Variants in CDNF observed in about 807,000 individuals in gnomAD.
CDNF encodes the protein ARMET-like protein 1.
Under a neutral mutation model 14.8 loss-of-function variants are expected in CDNF, and 9 were observed. The observed-to-expected ratio is 0.61, with a 90% CI of 0.37 to 1.06. CDNF has a LOEUF of 1.06. CDNF is among the 50% of genes least tolerant of loss of function. The pLI, the probability that CDNF is intolerant of heterozygous loss-of-function variation, is 0.01. For missense variants in CDNF, 228 were observed against 228.4 expected, an observed-to-expected ratio of 1.00 and a Z score of 0.01; for synonymous variants, 86 against 87.2, an observed-to-expected ratio of 0.99 and a Z score of 0.07.
Position 14,837,815 on chromosome 10 carries a change from G to A in CDNF, c.115+17C>T, listed in dbSNP as rs901442962. 5.3e-6 allele frequency: 8 copies of A among 1,513,496 alleles called. No individual in the cohort carries two copies. Among genetic ancestry groups the A allele is most frequent in the African/African-American group, 1.4e-5 (1 of 73,036 alleles). 93.8% of individuals were successfully genotyped at this position (1,513,496 alleles called of 1,614,324 possible). On this transcript the variant is annotated intron_variant, in intron 1 of 3. Coordinates refer to ENST00000465530, the MANE Select transcript of CDNF (RefSeq NM_001029954.3). ...GCGCGGGGCCGCCGCCATGCAAGCA[G>A]TTGTCACACCGCTCACCTTCACAGT...
chr10:14,836,382 C>A (rs1360744177), intron 1 of CDNF: 2 of 152,224 alleles, frequency 1.3e-5, no homozygotes, highest in African/African-American at 2.4e-5. Context: ...GCATAAGCTT[C>A]CCATTTAATT....
chr10:14,822,424 A>G lies in CDNF; in HGVS notation c.386-2266T>C, dbSNP rs537853457. 1.8e-3 allele frequency among the ~76,000 whole-genome samples: 281 copies of G among 152,272 alleles called. 1 individual carries two copies. Among genetic ancestry groups the G allele is most frequent in the African/African-American group, 6.7e-3 (279 of 41,556 alleles). ...AGGTACTTTTCCTCTTTCAAAAGAA[A>G]GTCTAGAGGGGCATGGGGGCACACA... On this transcript the variant is annotated intron_variant, in intron 3 of 3. Transcript: ENST00000465530.
chr10:14,824,070 A>G (rs1833759563), intron 3 of CDNF, among the ~76,000 whole-genome samples: 1 of 152,230 alleles, frequency 6.6e-6, no homozygotes. Flanking sequence ...AAAATAACTT[A>G]GAGGTGGATG....
rs372311274 is a variant in CDNF at position 14,819,945 on chromosome 10, C to T, written c.*35G>A. On this transcript the variant is annotated 3_prime_UTR_variant, in exon 4 of 4. Coordinates refer to ENST00000465530, the MANE Select transcript of CDNF (RefSeq NM_001029954.3). The stretch of plus-strand genomic sequence containing the variant: ...ATATCCTAGAGAGTCACTTTTCTCT[C>T]TAATTACAAGTCACAAATGTGCTGG... 10 of 1,592,632 alleles carry T rather than the reference C, an allele frequency of 6.3e-6. No individual in the cohort carries two copies. Among genetic ancestry groups the T allele is most frequent in the Non-Finnish European group, 7.7e-6 (9 of 1,168,578 alleles).
chr10:14,823,816 C>T (rs1033005876), intron 3 of CDNF, among the ~76,000 whole-genome samples: 1 of 152,178 alleles, frequency 6.6e-6, no homozygotes, highest in Non-Finnish European at 1.5e-5. Context: ...TGTGAGCTGC[C>T]GCGCCCGGCC....
At chr10:14,834,404 G>A (rs1226602655) in intron 1 of CDNF, 2 of 151,746 alleles carry the variant, frequency 1.3e-5, no homozygotes, top group Non-Finnish European at 2.9e-5. Flanking sequence ...TCTAATTCTT[G>A]TCTCCTACAA....
At position 14,820,299 on chromosome 10, in the gene CDNF, T is replaced by C. The variant is rs1048089542; in HGVS notation, c.386-141A>G. On this transcript the variant is annotated intron_variant, in intron 3 of 3. Transcript: ENST00000465530. Reference sequence around the variant, plus strand: ...AGGCAGGGAAGAATTCCAGTTTCCATGGAAACCAAGACACACCCAAGGAAA... The same window carrying C: ...AGGCAGGGAAGAATTCCAGTTTCCACGGAAACCAAGACACACCCAAGGAAA... The C allele has an allele frequency of 4.5e-5, 38 of 848,524 alleles. No individual in the cohort carries two copies. In the African/African-American group the frequency reaches 5.0e-4, roughly 11 times the overall value. 52.6% of individuals were successfully genotyped at this position (848,524 alleles called of 1,614,324 possible). A position where few individuals can be genotyped will look rare whatever the true frequency, so the allele number is the denominator to read the frequency against.
intron 1 of CDNF, among the ~76,000 whole-genome samples, chr10:14,828,655 A>G (rs1451888106): frequency 6.6e-6 from 1 of 151,704 alleles, no homozygotes; most frequent in Non-Finnish European, 1.5e-5. Flanking sequence ...CACACACAAA[A>G]AAAGAAACGT....
At chr10:14,831,952 T>C (rs1833847682) in intron 1 of CDNF, among the ~76,000 whole-genome samples, 1 of 152,218 alleles carries the variant, frequency 6.6e-6, no homozygotes, top group African/African-American at 2.4e-5. Context: ...TTTTAACAAA[T>C]ATTTACTAAG....
intron 3 of CDNF, 119 bp downstream of exon 3, chr10:14,825,358 CTT>C: frequency 1.0e-6 from 1 of 970,200 alleles, no homozygotes; most frequent in African/African-American, 1.6e-5. Flanking sequence ...AGCCAAGCAA[CTT>C]ATTGATGAGT....
chr10:14,826,427 C>A (rs1199555090), intron 2 of CDNF, among the ~76,000 whole-genome samples: 16 of 145,410 alleles, frequency 1.1e-4, no homozygotes, highest in African/African-American at 1.8e-4. Flanking sequence ...GCAGCAGAAG[C>A]AGCAGAAGAA....
chr10:14,820,814 G>C (rs1001946675), intron 3 of CDNF, among the ~76,000 whole-genome samples: 3 of 152,150 alleles, frequency 2.0e-5, no homozygotes, highest in Admixed American at 6.5e-5. Context: ...AATCTCACGA[G>C]GAATTGTAAT....
intron 3 of CDNF, among the ~76,000 whole-genome samples, chr10:14,824,579 C>G (rs1391879238): frequency 4.9e-5 from 7 of 141,530 alleles, no homozygotes; most frequent in African/African-American, 1.9e-4. Context: ...GCACTCCAGC[C>G]TGGGTGATAG....
chr10:14,825,759 G>A, intron 2 of CDNF, 139 bp from the exon 3 acceptor site: 1 of 835,622 alleles, frequency 1.2e-6, no homozygotes, highest in Non-Finnish European at 1.9e-6. Context: ...AGCACTTTGG[G>A]AGGTTGAGGA....
At chr10:14,828,668 A>G (rs957727423) in intron 1 of CDNF, among the ~76,000 whole-genome samples, 2 of 151,762 alleles carry the variant, frequency 1.3e-5, no homozygotes, top group Non-Finnish European at 2.9e-5. Context: ...AGAAACGTCC[A>G]TATGAGTCAA....
intron 1 of CDNF, 60 bp downstream of exon 1, chr10:14,837,772 G>A (rs918569754): frequency 4.5e-5 from 47 of 1,046,484 alleles, no homozygotes; most frequent in Admixed American, 4.6e-5. Context: ...AGCCAAAGCC[G>A]ACAGCTGCTG....
intron 1 of CDNF, among the ~76,000 whole-genome samples, chr10:14,828,935 G>A (rs1833821677): frequency 6.6e-6 from 1 of 152,146 alleles, no homozygotes; most frequent in African/African-American, 2.4e-5. Context: ...TGAGGTGGGA[G>A]GGTCACTTAA....
At chr10:14,828,073 C>A in intron 2 of CDNF, 72 bp downstream of exon 2, 1 of 1,498,956 alleles carries the variant, frequency 6.7e-7, no homozygotes. Flanking sequence ...GAGGACTTCA[C>A]GTCTAAGAAA....
chr10:14,819,279 T>C lies in CDNF; in HGVS notation c.*701A>G, dbSNP rs1158981302. 6.6e-6 allele frequency: 1 copy of C among 152,230 alleles called. No individual in the cohort carries two copies. The highest frequency in any genetic ancestry group is 2.4e-5 in the African/African-American group (1 of 41,456). 9.4% of individuals were successfully genotyped at this position (152,230 alleles called of 1,614,324 possible). A position where few individuals can be genotyped will look rare whatever the true frequency, so the allele number is the denominator to read the frequency against. Reference sequence around the variant, plus strand: ...AAGTTGCCTATGAGTGTTTTTAATATGCTTTAATCTTCCATCAAAAACTTG... The same window carrying C: ...AAGTTGCCTATGAGTGTTTTTAATACGCTTTAATCTTCCATCAAAAACTTG... On this transcript the variant is annotated 3_prime_UTR_variant, in exon 4 of 4. Transcript: ENST00000465530.
Sources: gnomAD v4.1 joint callset for allele counts (sites outside exome capture counted in the v4.1 genomes callset) on GRCh38, gnomAD v4.1.1 for gene constraint, MANE v1.5 for transcripts, NCBI Gene and HGNC (gene_info 2026-07-23, HGNC 2026-07-21) for gene names.